Variants in DGKH observed in about 807,000 individuals in gnomAD.
DGKH encodes the protein DAG kinase eta.
Under a neutral mutation model 159.3 loss-of-function variants are expected in DGKH, and 90 were observed. The observed-to-expected ratio is 0.57, with a 90% CI of 0.48 to 0.67. The LOEUF (loss-of-function observed/expected upper bound fraction) is 0.67. Among genes scored for constraint, DGKH ranks in the 30% least tolerant of loss-of-function variants. DGKH has a pLI of 0.00. For missense variants in DGKH, 1,181 were observed against 1,506.1 expected (o/e 0.78, Z 3.57); for synonymous variants, 536 against 553.8 (o/e 0.97, Z 0.45).
intron 3 of DGKH, chr13:42,154,046 T>C (rs550307622): frequency 1.3e-5 from 2 of 152,366 alleles, no homozygotes; most frequent in African/African-American, 2.4e-5. Flanking sequence ...TTGTTTTGAA[T>C]ATTGGACTTA....
chr13:42,206,221 G>C, intron 21 of DGKH, 75 bp downstream of exon 21: 1 of 893,536 alleles, frequency 1.1e-6, no homozygotes, highest in Non-Finnish European at 1.6e-6. Context: ...TTGTAAATGG[G>C]CTGTTGAATA....
intron 12 of DGKH, among the ~76,000 whole-genome samples, chr13:42,176,866 G>C (rs1956617281): frequency 6.6e-6 from 1 of 152,126 alleles, no homozygotes; most frequent in Non-Finnish European, 1.5e-5. Context: ...CTGAATATGA[G>C]GCTGTTTAAA....
chr13:42,047,642 G>C (rs955888563), upstream of DGKH, among the ~76,000 whole-genome samples: 1 of 152,316 alleles, frequency 6.6e-6, no homozygotes, highest in South Asian at 2.1e-4. Flanking sequence ...GCCAGTCCGC[G>C]GTTCCCAAGT....
At chr13:42,174,226 T>G in intron 12 of DGKH, 82 bp downstream of exon 12, 2 of 1,133,580 alleles carry the variant, frequency 1.8e-6, no homozygotes, top group South Asian at 1.3e-5. Context: ...GAAAATGTAC[T>G]CCTAATATAT....
At chr13:42,202,453 T>G (rs1470624701) in intron 20 of DGKH, among the ~76,000 whole-genome samples, 3 of 152,212 alleles carry the variant, frequency 2.0e-5, no homozygotes, top group African/African-American at 7.2e-5. Context: ...CCCCGTTATG[T>G]TGTTGGTATG....
At chr13:42,080,180 C>T (rs1954173837) in intron 1 of DGKH, among the ~76,000 whole-genome samples, 1 of 152,170 alleles carries the variant, frequency 6.6e-6, no homozygotes, top group Admixed American at 6.5e-5. Context: ...TCTTCCTCAT[C>T]TGTTGGTGCC....
intron 26 of DGKH, among the ~76,000 whole-genome samples, chr13:42,218,306 A>G (rs1294177203): frequency 6.6e-6 from 1 of 152,138 alleles, no homozygotes; most frequent in South Asian, 2.1e-4. Context: ...ATCCAAACCC[A>G]GTTTCAGATG....
intron 21 of DGKH, among the ~76,000 whole-genome samples, chr13:42,207,827 A>T (rs1255477296): frequency 6.6e-6 from 1 of 151,866 alleles, no homozygotes; most frequent in East Asian, 1.9e-4. Context: ...ATTCTCAAAG[A>T]TCTTAAATGG....
chr13:42,096,549 C>T (rs967353584), intron 1 of DGKH, among the ~76,000 whole-genome samples: 1 of 152,128 alleles, frequency 6.6e-6, no homozygotes, highest in African/African-American at 2.4e-5. Context: ...TTTTGAGAGA[C>T]TTCAAATTTA....
At chr13:42,157,426 C>T (rs1956072684) in intron 5 of DGKH, among the ~76,000 whole-genome samples, 1 of 152,048 alleles carries the variant, frequency 6.6e-6, no homozygotes, top group African/African-American at 2.4e-5. Flanking sequence ...TTTTTCTAAG[C>T]ATTTTAAAAG....
At chr13:42,088,416 TA>T (rs1954350479) in intron 1 of DGKH, among the ~76,000 whole-genome samples, 1 of 152,170 alleles carries the variant, frequency 6.6e-6, no homozygotes, top group Non-Finnish European at 1.5e-5. Flanking sequence ...ATCAACTTTT[TA>T]AAGTAAAACT....
chr13:42,047,793 G>A (rs948059371), upstream of DGKH, among the ~76,000 whole-genome samples: 4 of 152,168 alleles, frequency 2.6e-5, no homozygotes, highest in Non-Finnish European at 5.9e-5. Flanking sequence ...GTGTTCGCAT[G>A]GCTCGAGTGT....
chr13:42,230,983 C>T lies in DGKH; in HGVS notation c.*1795C>T, dbSNP rs925522278. ...TAAATGACCCTGAGGGATTCCTGAC[C>T]AAGTATGTCTGACTATATATTTTAC... On this transcript the variant is annotated 3_prime_UTR_variant, in exon 30 of 30. Transcript: ENST00000337343. 1 of 151,960 alleles carries T rather than the reference C, an allele frequency of 6.6e-6. No homozygotes were observed. Among genetic ancestry groups the T allele is most frequent in the African/African-American group, 2.4e-5 (1 of 41,348 alleles). 9.4% of individuals were successfully genotyped at this position (151,960 alleles called of 1,614,324 possible). A position where few individuals can be genotyped will look rare whatever the true frequency, so the allele number is the denominator to read the frequency against.
rs1408319327 is a variant in DGKH at position 42,236,861 on chromosome 13, CCACTG to C, written c.*7678_*7682del. On this transcript the variant is annotated 3_prime_UTR_variant, in exon 30 of 30. Transcript: ENST00000337343. The stretch of plus-strand genomic sequence containing the variant: ...GAGGTTGCAGTGAGCCAAGATCTCG[CCACTG>C]CACTCCAGCCTGGGCGACAGAGCGA... 6.6e-6 allele frequency: 1 copy of C among 152,198 alleles called. No homozygotes were observed. Among genetic ancestry groups the C allele is most frequent in the Non-Finnish European group, 1.5e-5 (1 of 68,084 alleles). 9.4% of individuals were successfully genotyped at this position (152,198 alleles called of 1,614,324 possible).
At chr13:42,171,015 A>G (rs775452671) in intron 11 of DGKH, among the ~76,000 whole-genome samples, 41 of 152,112 alleles carry the variant, frequency 2.7e-4, no homozygotes, top group Non-Finnish European at 4.0e-4. Context: ...TTTTTCAAAT[A>G]TATTTATTTG....
intron 29 of DGKH, among the ~76,000 whole-genome samples, chr13:42,249,397 C>T (rs1322430819): frequency 2.0e-5 from 3 of 152,152 alleles, no homozygotes; most frequent in African/African-American, 4.8e-5. Context: ...GGCACCAGAG[C>T]GAGACTCTGT....
In DGKH at chr13:42,145,656, C is replaced by T. The variant is rs182440074; in HGVS notation, c.385-9635C>T. Among the ~76,000 whole-genome samples, 20 of 152,310 alleles carry T rather than the reference C, an allele frequency of 1.3e-4. No homozygotes were observed. In the East Asian group the frequency reaches 1.9e-3, roughly 15 times the overall value. The stretch of plus-strand genomic sequence containing the variant: ...GGACTTGGTAAGGCCAAGACATCAG[C>T]GATGTCTTCCACTGATCCAAACACC... On this transcript the variant is annotated intron_variant, in intron 3 of 29. Coordinates refer to ENST00000337343, the MANE Select transcript of DGKH (RefSeq NM_178009.5).
In DGKH at chr13:42,219,424, G is replaced by T. The variant is rs145797605; in HGVS notation, c.3333+75G>T. 7 of 1,548,936 alleles carry T rather than the reference G, an allele frequency of 4.5e-6. No individual in the cohort carries two copies. In the African/African-American group the frequency reaches 9.7e-5, roughly 21 times the overall value. On this transcript the variant is annotated intron_variant, in intron 27 of 29. Coordinates refer to ENST00000337343, the MANE Select transcript of DGKH (RefSeq NM_178009.5). ...AGAATTTGAACTCATCTTTGAAAAAGAGATATTTAGGGAAAAATGAATTTT... is the reference window on the plus strand; with the variant it reads ...AGAATTTGAACTCATCTTTGAAAAATAGATATTTAGGGAAAAATGAATTTT...
intron 3 of DGKH, among the ~76,000 whole-genome samples, chr13:42,148,259 T>C (rs1253075222): frequency 6.6e-6 from 1 of 152,184 alleles, no homozygotes; most frequent in Non-Finnish European, 1.5e-5. Context: ...TGAGATGATA[T>C]ACCTGGCCTG....
Sources: allele counts gnomAD v4.1 joint callset (sites outside exome capture counted in the v4.1 genomes callset), GRCh38; gene constraint gnomAD v4.1.1; transcripts MANE v1.5; gene names NCBI Gene and HGNC (gene_info 2026-07-23, HGNC 2026-07-21).